PPP1R14C: variants seen among roughly 807,000 people sequenced by gnomAD.
The protein encoded by PPP1R14C is protein phosphatase 1 regulatory inhibitor subunit 14C.
In PPP1R14C, 16 loss-of-function variants were observed where a neutral mutation model predicts 20.4. The observed-to-expected ratio is 0.78, with a 90% CI of 0.53 to 1.19. The LOEUF is 1.19. PPP1R14C is among the 50% of genes most tolerant of loss of function. PPP1R14C has a pLI of 0.00. For missense variants in PPP1R14C, 211 were observed against 220.1 expected (o/e 0.96, Z 0.26); for synonymous variants, 91 against 91.0 (o/e 1.00, Z 0.00).
chr6:150,202,033 T>C (rs1355508807), intron 1 of PPP1R14C, among the ~76,000 whole-genome samples: 2 of 152,226 alleles, frequency 1.3e-5, no homozygotes, highest in Admixed American at 1.3e-4. Flanking sequence ...TATTTTGGAC[T>C]GGCCTCATTC....
intron 1 of PPP1R14C, among the ~76,000 whole-genome samples, chr6:150,169,025 C>T (rs986436703): frequency 3.3e-5 from 5 of 152,132 alleles, no homozygotes; most frequent in Admixed American, 2.0e-4. Context: ...TATCGGCACG[C>T]GCCACCACAC....
At chr6:150,183,712 C>T (rs188483020) in intron 1 of PPP1R14C, among the ~76,000 whole-genome samples, 29 of 152,208 alleles carry the variant, frequency 1.9e-4, no homozygotes, top group African/African-American at 6.7e-4. Context: ...GGGGTTTCAC[C>T]ACCTTGGCCA....
chr6:150,191,427 A>G (rs994596716), intron 1 of PPP1R14C, among the ~76,000 whole-genome samples: 1 of 152,230 alleles, frequency 6.6e-6, no homozygotes, highest in African/African-American at 2.4e-5. Context: ...TGTATCCACC[A>G]GATGTTTTTT....
chr6:150,233,287 C>T (rs1778314972), intron 3 of PPP1R14C, among the ~76,000 whole-genome samples: 1 of 152,166 alleles, frequency 6.6e-6, no homozygotes, highest in Non-Finnish European at 1.5e-5. Context: ...AGCAAATCTT[C>T]ACTTCACATC....
intron 1 of PPP1R14C, among the ~76,000 whole-genome samples, chr6:150,205,982 A>G (rs1777945331): frequency 6.6e-6 from 1 of 151,962 alleles, no homozygotes; most frequent in Non-Finnish European, 1.5e-5. Flanking sequence ...AGAACCCATC[A>G]ATGGCTTTTC....
intron 1 of PPP1R14C, among the ~76,000 whole-genome samples, chr6:150,148,495 C>T (rs1209203625): frequency 6.6e-6 from 1 of 152,230 alleles, no homozygotes; most frequent in African/African-American, 2.4e-5. Context: ...GTGGAGGACA[C>T]CACTGTTAGC....
chr6:150,229,587 T>G (rs768941220), intron 3 of PPP1R14C, among the ~76,000 whole-genome samples: 4 of 152,182 alleles, frequency 2.6e-5, no homozygotes, highest in Admixed American at 6.5e-5. Context: ...TAAAATAGAT[T>G]AATGGGACTT....
intron 3 of PPP1R14C, among the ~76,000 whole-genome samples, chr6:150,227,315 C>G (rs1055962053): frequency 3.9e-5 from 6 of 152,278 alleles, no homozygotes; most frequent in Non-Finnish European, 8.8e-5. Flanking sequence ...GAACTGAGAC[C>G]TGGCAGGGAA....
At chr6:150,172,103 C>T (rs1474611114) in intron 1 of PPP1R14C, among the ~76,000 whole-genome samples, 3 of 152,284 alleles carry the variant, frequency 2.0e-5, no homozygotes, top group South Asian at 2.1e-4. Flanking sequence ...CCACTGCACC[C>T]GGCCCAGAGT....
intron 3 of PPP1R14C, among the ~76,000 whole-genome samples, chr6:150,236,031 C>A (rs1483013258): frequency 6.6e-6 from 1 of 152,132 alleles, no homozygotes; most frequent in Non-Finnish European, 1.5e-5. Context: ...ATAATAAAGA[C>A]TTCTCACCCC....
intron 1 of PPP1R14C, among the ~76,000 whole-genome samples, chr6:150,190,618 T>C (rs1034267484): frequency 8.5e-5 from 13 of 152,100 alleles, no homozygotes; most frequent in Middle Eastern, 3.4e-3. Context: ...GTAGAGACGG[T>C]GTTTCACAAT....
At chr6:150,181,991 A>G (rs1009796967) in intron 1 of PPP1R14C, among the ~76,000 whole-genome samples, 3 of 152,256 alleles carry the variant, frequency 2.0e-5, no homozygotes, top group African/African-American at 7.2e-5. Flanking sequence ...GTGGTGGAAT[A>G]AGAATTAGTT....
intron 1 of PPP1R14C, chr6:150,194,386 G>A (rs559079287): frequency 2.2e-6 from 2 of 914,922 alleles, no homozygotes; most frequent in Admixed American, 1.2e-4. Flanking sequence ...ATCTTTCTTT[G>A]GCAACCCCTG....
rs778121917 is a variant in PPP1R14C at position 150,216,816 on chromosome 6, A to G, written c.391-8A>G. The G allele has an allele frequency of 3.8e-6, 6 of 1,580,600 alleles. No individual in the cohort carries two copies. The highest frequency in any genetic ancestry group is 1.7e-4 in the Middle Eastern group (1 of 5,982). ...AATAAAACTGATTTTCTGTGTGTTT[A>G]ATTCTAGGAAGCTCTTGTAGACTGC... On this transcript the variant is annotated splice_region_variant and splice_polypyrimidine_tract_variant and intron_variant, in intron 2 of 3. Coordinates refer to ENST00000361131, the MANE Select transcript of PPP1R14C (RefSeq NM_030949.3).
chr6:150,213,120 C>T (rs563662453), intron 1 of PPP1R14C, among the ~76,000 whole-genome samples: 8 of 152,250 alleles, frequency 5.3e-5, no homozygotes, highest in African/African-American at 1.9e-4. Flanking sequence ...AGATCTAAAA[C>T]GTTCACATTG....
intron 1 of PPP1R14C, among the ~76,000 whole-genome samples, chr6:150,166,346 C>CT (rs1419086251): frequency 6.6e-6 from 1 of 152,198 alleles, no homozygotes; most frequent in Non-Finnish European, 1.5e-5. Context: ...TCCCAAAGTG[C>CT]TGGGATTACA....
intron 1 of PPP1R14C, among the ~76,000 whole-genome samples, chr6:150,168,008 T>TTCTCTCCTCCCCTCTTTCTCTCCTTCTC (rs1777449422): frequency 6.1e-3 from 1 of 164 alleles, no homozygotes; most frequent in Non-Finnish European, 0.015. Context: ...CCCCCTTGCT[T>TTCTCTCCTCCCCTCTTTCTCTCCTTCTC]TCCTCCCACC....
At chr6:150,163,120 G>C (rs777813891) in intron 1 of PPP1R14C, among the ~76,000 whole-genome samples, 15 of 152,184 alleles carry the variant, frequency 9.9e-5, no homozygotes, top group Non-Finnish European at 2.2e-4. Flanking sequence ...GGCCAGGCGC[G>C]GTGGCTCATA....
intron 3 of PPP1R14C, among the ~76,000 whole-genome samples, chr6:150,217,449 C>A (rs1778109311): frequency 6.6e-6 from 1 of 152,140 alleles, no homozygotes; most frequent in Admixed American, 6.5e-5. Context: ...CCCGCCTCGG[C>A]CTCCCAAAGT....
Sources: allele counts gnomAD v4.1 joint callset (sites outside exome capture counted in the v4.1 genomes callset), GRCh38; gene constraint gnomAD v4.1.1; transcripts MANE v1.5; gene names NCBI Gene and HGNC (gene_info 2026-07-23, HGNC 2026-07-21).